Variants in PAX7 observed in about 807,000 individuals in gnomAD.
PAX7 encodes the protein paired box 7, also known as paired box protein Pax-7.
Under a neutral mutation model 50.7 loss-of-function variants are expected in PAX7, and 18 were observed. That is an observed-to-expected ratio of 0.36 (90% CI 0.25 to 0.53). PAX7 has a LOEUF of 0.53. Among genes scored for constraint, PAX7 ranks in the 20% least tolerant of loss-of-function variants. The pLI, the probability that PAX7 is intolerant of heterozygous loss-of-function variation, is 0.93. For synonymous variants in PAX7, 310 were observed against 290.4 expected, an observed-to-expected ratio of 1.07 and a Z score of -0.69; for missense variants, 644 against 702.9, an observed-to-expected ratio of 0.92 and a Z score of 0.95.
Position 18,691,938 on chromosome 1 carries a change from A to T in PAX7, c.771A>T (p.Thr257=), listed in dbSNP as rs2076019. 1.9e-6 allele frequency: 3 copies of T among 1,613,352 alleles called. No individual in the cohort carries two copies. The highest frequency in any genetic ancestry group is 1.1e-5 in the South Asian group (1 of 90,966). Residue 257 remains threonine, a synonymous_variant, in exon 5 of 9, where the codon ACA becomes ACT. Coordinates refer to ENST00000420770, the MANE Select transcript of PAX7 (RefSeq NM_001135254.2). Reference sequence around the variant, plus strand: ...AGCTGGCGCAGAGGACCAAGCTGACAGAGGCGCGTGTGCAGGTGAGGAGGC... The same window carrying T: ...AGCTGGCGCAGAGGACCAAGCTGACTGAGGCGCGTGTGCAGGTGAGGAGGC... ...REELAQRTKL[T]EARVQVWFSN...
At chr1:18,721,245 G>A (rs535046388) in intron 7 of PAX7, among the ~76,000 whole-genome samples, 36 of 152,170 alleles carry the variant, frequency 2.4e-4, no homozygotes, top group Non-Finnish European at 3.4e-4. Context: ...AGAGCCCAGG[G>A]TGAGAAGTCC....
intron 4 of PAX7, among the ~76,000 whole-genome samples, chr1:18,639,683 A>G (rs905956322): frequency 3.9e-5 from 6 of 152,146 alleles, no homozygotes; most frequent in African/African-American, 1.4e-4. Context: ...CTTGTGGGGA[A>G]TTTGATAGGG....
chr1:18,635,712 A>C (rs2088143605), intron 3 of PAX7, among the ~76,000 whole-genome samples: 1 of 152,076 alleles, frequency 6.6e-6, no homozygotes, highest in Non-Finnish European at 1.5e-5. Context: ...ACCGTCTCAG[A>C]GTTATGATTT....
Position 18,745,708 on chromosome 1 carries a change from G to A in PAX7, c.*779G>A, listed in dbSNP as rs562583436. On this transcript the variant is annotated 3_prime_UTR_variant, in exon 9 of 9. Coordinates refer to ENST00000420770, the MANE Select transcript of PAX7 (RefSeq NM_001135254.2). ...AAGGACCCAACTCAGGCTTCTGGAA[G>A]CAGAGGGCTCTTATCCTGAAGCCCA... 14 of 231,272 alleles carry A rather than the reference G, an allele frequency of 6.1e-5. No homozygotes were observed. Among genetic ancestry groups the A allele is most frequent in the South Asian group, 1.8e-4 (1 of 5,522 alleles). 14.3% of individuals were successfully genotyped at this position (231,272 alleles called of 1,614,324 possible). A position where few individuals can be genotyped will look rare whatever the true frequency, so the allele number is the denominator to read the frequency against.
chr1:18,637,531 T>G (rs1486380079), intron 4 of PAX7, among the ~76,000 whole-genome samples: 2 of 152,176 alleles, frequency 1.3e-5, no homozygotes, highest in Non-Finnish European at 2.9e-5. Flanking sequence ...AAAGCCAGTG[T>G]TGTTTCAGTC....
At chr1:18,697,512 G>A (rs1343074632) in intron 5 of PAX7, among the ~76,000 whole-genome samples, 2 of 152,158 alleles carry the variant, frequency 1.3e-5, no homozygotes, top group African/African-American at 2.4e-5. Flanking sequence ...GCTGTTATTA[G>A]CCCCATTTTA....
At position 18,649,798 on chromosome 1, in the gene PAX7, A is replaced by G. The variant is rs545489039; in HGVS notation, c.586+13427A>G. ...GATTGTGGTTAGGGTTGGAATTCAG[A>G]TCCTCATGTAAATGGCCCCATGCAG... On this transcript the variant is annotated intron_variant, in intron 4 of 8. Coordinates refer to ENST00000420770, the MANE Select transcript of PAX7 (RefSeq NM_001135254.2). Among the ~76,000 whole-genome samples, 15 of 152,310 alleles carry G rather than the reference A, an allele frequency of 9.8e-5. No individual in the cohort carries two copies. The South Asian group carries it at 2.5e-3, about 25-fold the overall frequency.
intron 4 of PAX7, among the ~76,000 whole-genome samples, chr1:18,672,328 T>A (rs2088761080): frequency 6.6e-6 from 1 of 152,128 alleles, no homozygotes. Flanking sequence ...GCCATCCCCT[T>A]CCCCCATCTC....
chr1:18,631,407 C>G lies in PAX7; in HGVS notation c.-197C>G, dbSNP rs971038878. 4.9e-5 allele frequency: 29 copies of G among 590,864 alleles called. No individual in the cohort carries two copies. In the East Asian group the frequency reaches 7.9e-4, roughly 16 times the overall value. 36.6% of individuals were successfully genotyped at this position (590,864 alleles called of 1,614,324 possible). On this transcript the variant is annotated 5_prime_UTR_variant, in exon 1 of 9. Transcript: ENST00000420770. ...CCCAACCTCCACCCCACCTCACCCC[C>G]CTCCCCAGCTTCTGGACGCGTTTGA...
intron 4 of PAX7, among the ~76,000 whole-genome samples, chr1:18,667,290 G>A (rs1047881485): frequency 3.3e-5 from 5 of 152,038 alleles, no homozygotes; most frequent in African/African-American, 1.2e-4. Context: ...TTACAAGAAG[G>A]GAAGAGGTGG....
At chr1:18,639,260 T>A (rs1201639027) in intron 4 of PAX7, among the ~76,000 whole-genome samples, 1 of 152,204 alleles carries the variant, frequency 6.6e-6, no homozygotes, top group Non-Finnish European at 1.5e-5. Flanking sequence ...CAGTTCTCAC[T>A]CTCAGAGTTT....
At chr1:18,638,321 G>T (rs931064443) in intron 4 of PAX7, among the ~76,000 whole-genome samples, 4 of 152,208 alleles carry the variant, frequency 2.6e-5, no homozygotes, top group African/African-American at 4.8e-5. Flanking sequence ...AATGCGGGGC[G>T]TTCCATGCTG....
chr1:18,698,192 GTTA>G (rs2089173422), intron 5 of PAX7, among the ~76,000 whole-genome samples: 1 of 150,908 alleles, frequency 6.6e-6, no homozygotes, highest in African/African-American at 2.4e-5. Context: ...TATCTATATT[GTTA>G]TTTACTTTTC....
chr1:18,686,896 A>G (rs60092015), intron 4 of PAX7, among the ~76,000 whole-genome samples: 1 of 127,884 alleles, frequency 7.8e-6, no homozygotes, highest in Non-Finnish European at 1.7e-5. Flanking sequence ...TATTATTATT[A>G]TTATTATTTT....
chr1:18,655,807 G>GTGTGTGTC (rs1465002970), intron 4 of PAX7, among the ~76,000 whole-genome samples: 1 of 150,802 alleles, frequency 6.6e-6, no homozygotes, highest in African/African-American at 2.5e-5. Flanking sequence ...GTGTGTGTGT[G>GTGTGTGTC]TGTCTGGGAG....
At chr1:18,687,783 A>T (rs2088998833) in intron 4 of PAX7, among the ~76,000 whole-genome samples, 1 of 152,022 alleles carries the variant, frequency 6.6e-6, no homozygotes, top group South Asian at 2.1e-4. Context: ...ATCATGCCAG[A>T]TCCTTTCGGA....
intron 4 of PAX7, among the ~76,000 whole-genome samples, chr1:18,651,470 A>G (rs1466664640): frequency 1.3e-5 from 2 of 152,226 alleles, no homozygotes; most frequent in Non-Finnish European, 2.9e-5. Context: ...GAGTTGGGAT[A>G]TAACTGTCTA....
At position 18,735,601 on chromosome 1, in the gene PAX7, G is replaced by C. The variant is rs41273163; in HGVS notation, c.1156-31G>C. The C allele has an allele frequency of 2.1e-5, 33 of 1,590,210 alleles. No homozygotes were observed. The highest frequency in any genetic ancestry group is 2.8e-5 in the Non-Finnish European group (33 of 1,164,544). On this transcript the variant is annotated intron_variant, in intron 7 of 8. Coordinates refer to ENST00000420770, the MANE Select transcript of PAX7 (RefSeq NM_001135254.2). This position sits in a 1 kb window ranked among gnomAD's most constrained non-coding sequence, Gnocchi z 4.0. ...CTCGTGTCTCTGGGGTCTGTCCGGT[G>C]AGCCTGGCACTAATGGCCTTTTCCC...
chr1:18,732,087 G>A (rs533126438), intron 7 of PAX7, among the ~76,000 whole-genome samples: 127 of 152,260 alleles, frequency 8.3e-4, no homozygotes, highest in Non-Finnish European at 1.4e-3. Context: ...CCCCTGCCTC[G>A]TCTTCTCAGG....
Sources: allele counts gnomAD v4.1 joint callset (sites outside exome capture counted in the v4.1 genomes callset), GRCh38; gene constraint gnomAD v4.1.1; non-coding constraint Gnocchi (gnomAD v3.1); transcripts MANE v1.5; gene names NCBI Gene and HGNC (gene_info 2026-07-23, HGNC 2026-07-21).